The following DIP2B variants were observed in gnomAD, a reference collection of about 807,000 sequenced individuals.
DIP2B encodes disco-interacting protein 2 homolog B.
A neutral mutation model predicts 198.0 loss-of-function variants in DIP2B; 76 were observed. The ratio of observed to expected loss-of-function variants is 0.38; its 90% CI spans 0.32 to 0.46. DIP2B has a LOEUF of 0.46. Ranked by LOEUF, DIP2B falls within the 20% of genes least tolerant of loss-of-function variation. The pLI is 0.99. For missense variants in DIP2B, 1,559 were observed against 1,978.4 expected (o/e 0.79, Z 4.02); for synonymous variants, 701 against 739.1 (o/e 0.95, Z 0.84).
chr12:50,519,138 G>A (rs1958092832), intron 1 of DIP2B, among the ~76,000 whole-genome samples: 2 of 152,188 alleles, frequency 1.3e-5, no homozygotes, highest in Admixed American at 1.3e-4. Context: ...AGGTATAGGG[G>A]TGTAATTTGT....
At chr12:50,660,142 T>A (rs1361651341) in intron 3 of DIP2B, 52 bp from the exon 4 acceptor site, 21 of 1,526,830 alleles carry the variant, frequency 1.4e-5, no homozygotes, top group Non-Finnish European at 1.8e-5. Context: ...CTCACAGTGG[T>A]AAACACTTTC....
At chr12:50,743,185 C>T (rs1940284779) in intron 37 of DIP2B, among the ~76,000 whole-genome samples, 3 of 152,022 alleles carry the variant, frequency 2.0e-5, no homozygotes, top group South Asian at 4.1e-4. Flanking sequence ...TGGGTTCAAG[C>T]GATTCTTCTG....
intron 1 of DIP2B, among the ~76,000 whole-genome samples, chr12:50,523,648 A>G (rs1958139214): frequency 6.6e-6 from 1 of 152,332 alleles, no homozygotes; most frequent in Non-Finnish European, 1.5e-5. Flanking sequence ...GCCTTACCAC[A>G]TATTAAAACA....
chr12:50,613,234 G>GA (rs1959046493), intron 1 of DIP2B, among the ~76,000 whole-genome samples: 1 of 152,158 alleles, frequency 6.6e-6, no homozygotes, highest in African/African-American at 2.4e-5. Context: ...TTCCCATCTG[G>GA]AAACTGAGAC....
At chr12:50,595,281 G>T (rs1958868863) in intron 1 of DIP2B, among the ~76,000 whole-genome samples, 1 of 151,992 alleles carries the variant, frequency 6.6e-6, no homozygotes, top group Non-Finnish European at 1.5e-5. Flanking sequence ...AGAGTAAACT[G>T]GTAAGGTTTT....
At chr12:50,584,088 TACACTCTCTC>T (rs1197570492) in intron 1 of DIP2B, among the ~76,000 whole-genome samples, 1 of 152,218 alleles carries the variant, frequency 6.6e-6, no homozygotes, top group East Asian at 1.9e-4. Flanking sequence ...TCTCTTTATT[TACACTCTCTC>T]CCATGTGATT....
chr12:50,541,403 CTTTT>C (rs57979674), intron 1 of DIP2B, among the ~76,000 whole-genome samples: 3 of 128,616 alleles, frequency 2.3e-5, no homozygotes, highest in Non-Finnish European at 1.6e-5. Context: ...AAAGAACATT[CTTTT>C]TTTTTTTTTT....
At chr12:50,724,607 G>A (rs557069019) in intron 27 of DIP2B, among the ~76,000 whole-genome samples, 168 bp from the exon 28 acceptor site, 140 of 152,310 alleles carry the variant, frequency 9.2e-4, no homozygotes, top group Middle Eastern at 3.4e-3. Context: ...CACATTTCCA[G>A]AAGGAAACAT....
intron 1 of DIP2B, among the ~76,000 whole-genome samples, chr12:50,570,059 T>A (rs575273932): frequency 3.8e-4 from 58 of 152,318 alleles, no homozygotes; most frequent in African/African-American, 1.3e-3. Flanking sequence ...TATGAGAGAT[T>A]CACTTGTTTG....
At chr12:50,612,198 G>A (rs1024671884) in intron 1 of DIP2B, among the ~76,000 whole-genome samples, 1 of 152,022 alleles carries the variant, frequency 6.6e-6, no homozygotes, top group African/African-American at 2.4e-5. Context: ...AGTGAGCTGT[G>A]ATTGCACGAC....
chr12:50,623,510 GAC>G (rs149507592), intron 1 of DIP2B, among the ~76,000 whole-genome samples: 841 of 73,940 alleles, frequency 0.011, 3 homozygotes, highest in East Asian at 0.035. Context: ...TAGCCTTCCA[GAC>G]ACACACACAC....
intron 1 of DIP2B, among the ~76,000 whole-genome samples, chr12:50,515,905 G>A (rs1041995019): frequency 6.6e-6 from 1 of 151,928 alleles, no homozygotes; most frequent in African/African-American, 2.4e-5. Context: ...ACAGATAACT[G>A]TATTTCAGAA....
At chr12:50,703,498 A>G (rs1939459049) in intron 19 of DIP2B, among the ~76,000 whole-genome samples, 1 of 152,238 alleles carries the variant, frequency 6.6e-6, no homozygotes, top group African/African-American at 2.4e-5. Flanking sequence ...GTGAAAAATT[A>G]TAATGGCCTA....
At chr12:50,547,605 G>C (rs1033780513) in intron 1 of DIP2B, among the ~76,000 whole-genome samples, 3 of 152,132 alleles carry the variant, frequency 2.0e-5, no homozygotes, top group African/African-American at 7.2e-5. Context: ...GTGTATGAGA[G>C]AAATCTCTGT....
intron 32 of DIP2B, 72 bp downstream of exon 32, chr12:50,732,608 G>C (rs1413695489): frequency 2.5e-6 from 4 of 1,571,800 alleles, no homozygotes; most frequent in African/African-American, 2.7e-5. Flanking sequence ...ATGGGCTTTG[G>C]AGCCAGGCTG....
Position 50,633,016 on chromosome 12 carries a change from C to T in DIP2B, c.172+6969C>T, listed in dbSNP as rs1055576474. 5.9e-5 allele frequency among the ~76,000 whole-genome samples: 9 copies of T among 151,510 alleles called. No individual in the cohort carries two copies. In the East Asian group the frequency reaches 1.6e-3, roughly 26 times the overall value. On this transcript the variant is annotated intron_variant, in intron 2 of 37. Coordinates refer to ENST00000301180, the MANE Select transcript of DIP2B (RefSeq NM_173602.3). ...CTGGTCTCAAACGCCTGGGCTCAAGCGATCCTTCTGCCTCAGCCTCCTAAA... is the reference window on the plus strand; with the variant it reads ...CTGGTCTCAAACGCCTGGGCTCAAGTGATCCTTCTGCCTCAGCCTCCTAAA...
At chr12:50,675,633 G>A (rs1938933238) in intron 7 of DIP2B, among the ~76,000 whole-genome samples, 185 bp downstream of exon 7, 1 of 152,104 alleles carries the variant, frequency 6.6e-6, no homozygotes, top group Non-Finnish European at 1.5e-5. Flanking sequence ...GAAAATTAAG[G>A]AGGGAAGGAA....
chr12:50,570,367 G>A (rs369530458), intron 1 of DIP2B, among the ~76,000 whole-genome samples: 5 of 152,306 alleles, frequency 3.3e-5, no homozygotes, highest in South Asian at 2.1e-4. Context: ...TACTAAGTGC[G>A]AACATTGTTC....
At chr12:50,653,435 A>G (rs998535512) in intron 3 of DIP2B, among the ~76,000 whole-genome samples, 1 of 132,166 alleles carries the variant, frequency 7.6e-6, no homozygotes, top group Admixed American at 8.7e-5. Flanking sequence ...CAGTTCTCCC[A>G]CCTCAACCCC....
Sources: allele counts gnomAD v4.1 joint callset (sites outside exome capture counted in the v4.1 genomes callset), GRCh38; gene constraint gnomAD v4.1.1; transcripts MANE v1.5; gene names NCBI Gene and HGNC (gene_info 2026-07-23, HGNC 2026-07-21).